SLC4A7: variants seen among roughly 807,000 people sequenced by gnomAD.
The protein encoded by SLC4A7 is solute carrier family 4 member 7, also known as sodium bicarbonate cotransporter 3.
A neutral mutation model predicts 137.6 loss-of-function variants in SLC4A7; 51 were observed. The observed-to-expected ratio is 0.37, with a 90% CI of 0.30 to 0.47. SLC4A7 has a LOEUF of 0.47. Ranked by LOEUF, SLC4A7 falls within the 20% of genes least tolerant of loss-of-function variation. The pLI is 1.00. For missense variants in SLC4A7, 1,247 were observed against 1,525.4 expected, an observed-to-expected ratio of 0.82 and a Z score of 3.04; for synonymous variants, 542 against 518.6, an observed-to-expected ratio of 1.05 and a Z score of -0.61.
intron 3 of SLC4A7, among the ~76,000 whole-genome samples, chr3:27,445,793 G>A (rs921095492): frequency 1.5e-4 from 22 of 146,908 alleles, no homozygotes; most frequent in Non-Finnish European, 2.4e-4. Flanking sequence ...TTAGCCGTGC[G>A]TGGTGGCGGG....
intron 22 of SLC4A7, among the ~76,000 whole-genome samples, chr3:27,387,019 T>C (rs772093683): frequency 1.3e-5 from 2 of 152,226 alleles, no homozygotes; most frequent in Non-Finnish European, 2.9e-5. Flanking sequence ...AATTCCAATG[T>C]ATTCAGATAC....
intron 1 of SLC4A7, among the ~76,000 whole-genome samples, chr3:27,481,432 T>C (rs1415471723): frequency 1.3e-5 from 2 of 152,224 alleles, no homozygotes; most frequent in Admixed American, 6.5e-5. Context: ...AAATCTAAGA[T>C]GGGATTTTAT....
Position 27,400,858 on chromosome 3 carries a change from G to A in SLC4A7, c.2333C>T (p.Thr778Ile). The A allele has an allele frequency of 6.4e-7, 1 of 1,571,830 alleles. No individual in the cohort carries two copies. Among genetic ancestry groups the A allele is most frequent in the South Asian group, 1.1e-5 (1 of 89,692 alleles). ...TTCATTGCTGGGGTTTGGAGGTTCA[G>A]TACATACACATCTGAGAAATTAGAG... is the stretch of plus-strand genomic sequence containing the variant. ...DKLTSYSCVC[T>I]EPPNPSNETL... is the part of the protein sequence containing the mutation. Residue 778 changes from threonine (T) to isoleucine (I), a missense_variant, in exon 16 of 26, where the codon ACT becomes ATT. By Grantham distance (89) the Thr-to-Ile change is moderately conservative. Around this residue, in one of 6 missense-constraint regions of SLC4A7, gnomAD observed 499 missense variants for 664.2 expected, o/e 0.75. Transcript: ENST00000454389.
chr3:27,419,380 C>T (rs2054710199), intron 10 of SLC4A7, among the ~76,000 whole-genome samples: 1 of 151,198 alleles, frequency 6.6e-6, no homozygotes, highest in Non-Finnish European at 1.5e-5. Flanking sequence ...ACCAGCCTTG[C>T]CAACATGGTG....
intron 3 of SLC4A7, among the ~76,000 whole-genome samples, chr3:27,443,165 G>C (rs1162652904): frequency 6.6e-6 from 1 of 151,376 alleles, no homozygotes; most frequent in Non-Finnish European, 1.5e-5. Context: ...TGGGTAGCTG[G>C]GACTACAGGA....
intron 3 of SLC4A7, among the ~76,000 whole-genome samples, chr3:27,448,373 CTT>C (rs1321825326): frequency 1.3e-5 from 2 of 151,804 alleles, no homozygotes; most frequent in Non-Finnish European, 2.9e-5. Context: ...CTAGGCATAA[CTT>C]TTACAATTTC....
At chr3:27,453,311 C>G (rs558672437) in intron 1 of SLC4A7, among the ~76,000 whole-genome samples, 1 of 152,018 alleles carries the variant, frequency 6.6e-6, no homozygotes, top group East Asian at 1.9e-4. Context: ...GAACAAATAC[C>G]CTTCCCTCAA....
chr3:27,468,228 C>T (rs2059090243), intron 1 of SLC4A7, among the ~76,000 whole-genome samples: 1 of 152,126 alleles, frequency 6.6e-6, no homozygotes, highest in Non-Finnish European at 1.5e-5. Flanking sequence ...CAAGAGCAGC[C>T]TTATAAATTC....
chr3:27,392,571 A>G (rs2051680122), intron 20 of SLC4A7, among the ~76,000 whole-genome samples: 1 of 152,204 alleles, frequency 6.6e-6, no homozygotes, highest in Admixed American at 6.5e-5. Flanking sequence ...AATGCCTGTA[A>G]TCTCAGCATT....
intron 23 of SLC4A7, among the ~76,000 whole-genome samples, chr3:27,384,575 C>A (rs893155831): frequency 6.6e-6 from 1 of 152,046 alleles, no homozygotes; most frequent in African/African-American, 2.4e-5. Context: ...TTATATATGA[C>A]GAACCTCATT....
At position 27,437,328 on chromosome 3, in the gene SLC4A7, G is replaced by C. The variant is rs1003155225; in HGVS notation, c.428+60C>G. On this transcript the variant is annotated intron_variant, in intron 4 of 25. Transcript: ENST00000454389. ...ATCGCACCATCGCACTCCAGCCTGG[G>C]CAACAAGAGCAAAACTCCATCTCAA... 1.2e-5 allele frequency: 14 copies of C among 1,186,534 alleles called. No homozygotes were observed. The African/African-American group carries it at 2.2e-4, about 19-fold the overall frequency. The allele number at this position is 1,186,534 out of a possible 1,614,324, so 73.5% of individuals were successfully genotyped here. A position where few individuals can be genotyped will look rare whatever the true frequency, so the allele number is the denominator to read the frequency against.
At chr3:27,429,094 C>T (rs750385571) in intron 7 of SLC4A7, among the ~76,000 whole-genome samples, 34 of 151,978 alleles carry the variant, frequency 2.2e-4, no homozygotes, top group African/African-American at 7.5e-4. Flanking sequence ...GGTGAAACCC[C>T]GTTGCTACTA....
At chr3:27,385,448 T>C (rs1037703373) in intron 23 of SLC4A7, among the ~76,000 whole-genome samples, 89 of 152,324 alleles carry the variant, frequency 5.8e-4, no homozygotes, top group African/African-American at 2.1e-3. Flanking sequence ...TCATTATGTA[T>C]GCCAATTATT....
At chr3:27,378,476 C>A (rs2050114270) in intron 25 of SLC4A7, among the ~76,000 whole-genome samples, 1 of 152,128 alleles carries the variant, frequency 6.6e-6, no homozygotes, top group African/African-American at 2.4e-5. Context: ...TCTCCAGAGG[C>A]TTAAGGGATT....
chr3:27,473,772 G>A (rs1424143034), intron 1 of SLC4A7, among the ~76,000 whole-genome samples: 3 of 147,562 alleles, frequency 2.0e-5, no homozygotes, highest in African/African-American at 7.5e-5. Context: ...ATGCTACATA[G>A]TTATTCTCGA....
At chr3:27,467,446 T>C (rs574967951) in intron 1 of SLC4A7, among the ~76,000 whole-genome samples, 1 of 152,336 alleles carries the variant, frequency 6.6e-6, no homozygotes, top group East Asian at 1.9e-4. Flanking sequence ...GCTAATTAAA[T>C]TGAAATCGCA....
chr3:27,447,469 T>C (rs1195638504), intron 3 of SLC4A7, among the ~76,000 whole-genome samples: 1 of 152,086 alleles, frequency 6.6e-6, no homozygotes, highest in Non-Finnish European at 1.5e-5. Context: ...CACAAAAACT[T>C]TCTTTTAGCA....
At chr3:27,417,319 C>T (rs921500831) in intron 11 of SLC4A7, among the ~76,000 whole-genome samples, 1 of 152,100 alleles carries the variant, frequency 6.6e-6, no homozygotes, top group Non-Finnish European at 1.5e-5. Context: ...AATACGCTAT[C>T]ATAACCTCCA....
intron 1 of SLC4A7, among the ~76,000 whole-genome samples, chr3:27,474,503 A>G (rs1217857378): frequency 6.6e-6 from 1 of 152,106 alleles, no homozygotes; most frequent in African/African-American, 2.4e-5. Context: ...CGAGGTCAGG[A>G]GTTTGAGACC....
Sources: gnomAD v4.1 joint callset for allele counts (sites outside exome capture counted in the v4.1 genomes callset) on GRCh38, gnomAD v4.1.1 for gene constraint, gnomAD v4.1.1 regional missense constraint, MANE v1.5 for transcripts, NCBI Gene and HGNC (gene_info 2026-07-23, HGNC 2026-07-21) for gene names.